Variants in TMPRSS11F observed in about 807,000 individuals in gnomAD.
TMPRSS11F encodes transmembrane serine protease 11F.
Under a neutral mutation model 60.2 loss-of-function variants are expected in TMPRSS11F, and 47 were observed. The observed-to-expected ratio is 0.78, with a 90% CI of 0.62 to 1.00. The LOEUF (loss-of-function observed/expected upper bound fraction) is 1.00, where lower values mean the gene tolerates loss of function less well. Among genes scored for constraint, TMPRSS11F ranks in the 50% least tolerant of loss-of-function variants. The pLI, the probability that TMPRSS11F is intolerant of heterozygous loss-of-function variation, is 0.00. For missense variants in TMPRSS11F, 519 were observed against 522.9 expected (o/e 0.99, Z 0.07); for synonymous variants, 166 against 167.3 (o/e 0.99, Z 0.06).
chr4:68,126,183 A>T (rs1003419473), intron 1 of TMPRSS11F, among the ~76,000 whole-genome samples: 1 of 152,130 alleles, frequency 6.6e-6, no homozygotes, highest in African/African-American at 2.4e-5. Flanking sequence ...GTATGTGTGT[A>T]TTTGTTTATA....
intron 3 of TMPRSS11F, chr4:68,077,395 T>C (rs1723607833): frequency 6.6e-6 from 1 of 152,146 alleles, no homozygotes; most frequent in African/African-American, 2.4e-5. Flanking sequence ...TAGACTGCAT[T>C]CTCTGTGATT....
chr4:68,087,988 C>A (rs983894425), intron 3 of TMPRSS11F, among the ~76,000 whole-genome samples: 6 of 150,142 alleles, frequency 4.0e-5, no homozygotes, highest in African/African-American at 1.5e-4. Context: ...TTTGTTCTTG[C>A]GATAGTTTAC....
chr4:68,107,108 A>G (rs957949946), intron 1 of TMPRSS11F, among the ~76,000 whole-genome samples: 1 of 152,160 alleles, frequency 6.6e-6, no homozygotes, highest in African/African-American at 2.4e-5. Context: ...GAATGGTCAC[A>G]TTTTCCACCT....
intron 1 of TMPRSS11F, among the ~76,000 whole-genome samples, chr4:68,126,568 C>G (rs1724717587): frequency 6.6e-6 from 1 of 152,140 alleles, no homozygotes; most frequent in African/African-American, 2.4e-5. Context: ...TTGAAATTTT[C>G]ATTTACTCCT....
chr4:68,064,163 ATTTC>A (rs1366735702), intron 8 of TMPRSS11F, among the ~76,000 whole-genome samples: 9 of 125,832 alleles, frequency 7.2e-5, no homozygotes, highest in Admixed American at 2.4e-4. Context: ...AGTTGAGGAG[ATTTC>A]TTTCTTTCTT....
At chr4:68,063,439 C>G (rs1306423113) in intron 8 of TMPRSS11F, among the ~76,000 whole-genome samples, 1 of 152,030 alleles carries the variant, frequency 6.6e-6, no homozygotes, top group Admixed American at 6.6e-5. Context: ...TGCAATGGCG[C>G]AGTCTCGGCT....
In TMPRSS11F at chr4:68,082,341, A is replaced by T. The variant is rs557529882; in HGVS notation, c.282+8182T>A. 2.6e-5 allele frequency among the ~76,000 whole-genome samples: 4 copies of T among 152,300 alleles called. No individual in the cohort carries two copies. The South Asian group carries it at 8.3e-4, about 32-fold the overall frequency. ...GAGCTCCTGCCTGCATGGACCCCAG[A>T]GGGTTTTGCACGTGAGGCAGCTACA... is the stretch of plus-strand genomic sequence containing the variant. On this transcript the variant is annotated intron_variant, in intron 3 of 9. Transcript: ENST00000356291.
At chr4:68,099,335 C>T (rs547824358) in intron 1 of TMPRSS11F, among the ~76,000 whole-genome samples, 17 of 152,268 alleles carry the variant, frequency 1.1e-4, no homozygotes, top group African/African-American at 3.6e-4. Flanking sequence ...CAAAGACTGG[C>T]TTTTAGATTT....
intron 4 of TMPRSS11F, among the ~76,000 whole-genome samples, chr4:68,072,930 G>A (rs760507399): frequency 1.3e-5 from 2 of 152,154 alleles, no homozygotes; most frequent in Non-Finnish European, 2.9e-5. Context: ...TTTGTCTCCT[G>A]AGCATAGAGG....
intron 1 of TMPRSS11F, among the ~76,000 whole-genome samples, chr4:68,101,703 A>G (rs1315806796): frequency 2.6e-5 from 4 of 152,168 alleles, no homozygotes; most frequent in Admixed American, 6.6e-5. Context: ...TTTTTAGAAA[A>G]ATAAATTTTA....
At chr4:68,086,638 AAGAG>A (rs1171177096) in intron 3 of TMPRSS11F, among the ~76,000 whole-genome samples, 1 of 152,088 alleles carries the variant, frequency 6.6e-6, no homozygotes, top group African/African-American at 2.4e-5. Flanking sequence ...AAATTAGAAA[AAGAG>A]AGAGACAATC....
Position 68,068,740 on chromosome 4 carries a change from T to C in TMPRSS11F, c.633A>G (p.Glu211=), listed in dbSNP as rs1188538261. The change falls in exon 7 of 10, where the codon GAA becomes GAG. Residue 211 remains glutamate, a synonymous_variant. Transcript: ENST00000356291. ...SSTQRIVQGR[E]TAMEGEWPWQ... is the part of the protein sequence containing the mutation. ...ATGGCCATTCCCCTTCCATAGCTGT[T>C]TCCCTTCCTTGGACAATTCTTTGAG... 1.2e-6 allele frequency: 2 copies of C among 1,614,234 alleles called. No homozygotes were observed. The highest frequency in any genetic ancestry group is 1.1e-5 in the South Asian group (1 of 91,088).
chr4:68,068,594 T>G, intron 7 of TMPRSS11F, 24 bp downstream of exon 7: 1 of 1,605,698 alleles, frequency 6.2e-7, no homozygotes, highest in Middle Eastern at 1.7e-4. Flanking sequence ...AAAAGAAGGC[T>G]CACAGCAGCC....
At chr4:68,116,783 C>T (rs1724529459) in intron 1 of TMPRSS11F, among the ~76,000 whole-genome samples, 1 of 152,114 alleles carries the variant, frequency 6.6e-6, no homozygotes, top group Non-Finnish European at 1.5e-5. Context: ...GGAAACTAAA[C>T]ATCCACATGC....
chr4:68,091,757 C>A (rs149851716), intron 2 of TMPRSS11F, among the ~76,000 whole-genome samples: 54,605 of 106,448 alleles, frequency 0.51, 12,376 homozygotes, highest in Non-Finnish European at 0.65. Flanking sequence ...ATCTCTCTCT[C>A]TCTCTCTCTC....
intron 1 of TMPRSS11F, among the ~76,000 whole-genome samples, chr4:68,102,464 T>C (rs186046287): frequency 5.8e-4 from 88 of 152,298 alleles, no homozygotes; most frequent in African/African-American, 2.0e-3. Context: ...CTTTTCTCCA[T>C]ACCCTGGTCA....
In TMPRSS11F at chr4:68,090,627, A is replaced by G; in HGVS notation, c.178T>C (p.Tyr60His). The G allele has an allele frequency of 1.3e-6, 2 of 1,595,724 alleles. No individual in the cohort carries two copies. The highest frequency in any genetic ancestry group is 1.7e-6 in the Non-Finnish European group (2 of 1,170,588). The change falls in exon 3 of 10, where the codon TAT becomes CAT. Residue 60 changes from tyrosine (Y) to histidine (H), a missense_variant. Coordinates refer to ENST00000356291, the MANE Select transcript of TMPRSS11F (RefSeq NM_207407.2). ...GTGACTTTAAAAGAGGCAAGGTAATAGAAAGACTTATCATCTGAAAGGTAA... is the reference window on the plus strand; with the variant it reads ...GTGACTTTAAAAGAGGCAAGGTAATGGAAAGACTTATCATCTGAAAGGTAA... Reference protein sequence around the residue: ...HFVVEDDKSFYYLASFKVTNI... With the variant: ...HFVVEDDKSFHYLASFKVTNI...
At chr4:68,086,559 T>C (rs1577922387) in intron 3 of TMPRSS11F, among the ~76,000 whole-genome samples, 1 of 151,970 alleles carries the variant, frequency 6.6e-6, no homozygotes, top group East Asian at 1.9e-4. Context: ...CACAAAAATC[T>C]GTTAAAAAAA....
Position 68,069,363 on chromosome 4 carries a change from T to G in TMPRSS11F, c.554-544A>C, listed in dbSNP as rs145990983. ...TGCAAAGCCCTGTATTTTAACAGATTTAAACACTATCGACCTTTTTGGTCT... is the reference window on the plus strand; with the variant it reads ...TGCAAAGCCCTGTATTTTAACAGATGTAAACACTATCGACCTTTTTGGTCT... On this transcript the variant is annotated intron_variant, in intron 6 of 9. Coordinates refer to ENST00000356291, the MANE Select transcript of TMPRSS11F (RefSeq NM_207407.2). Among the ~76,000 whole-genome samples, 256 of 152,308 alleles carry G rather than the reference T, an allele frequency of 1.7e-3. 2 individuals carry two copies. The highest frequency in any genetic ancestry group is 6.0e-3 in the African/African-American group (249 of 41,566).
Sources: allele counts gnomAD v4.1 joint callset (sites outside exome capture counted in the v4.1 genomes callset), GRCh38; gene constraint gnomAD v4.1.1; transcripts MANE v1.5; gene names NCBI Gene and HGNC (gene_info 2026-07-23, HGNC 2026-07-21).